SUDS3: variants seen among roughly 807,000 people sequenced by gnomAD.
SUDS3 encodes SIN3A corepressor complex component SDS3.
Under a neutral mutation model 53.5 loss-of-function variants are expected in SUDS3, and 23 were observed. The observed-to-expected ratio is 0.43, with a 90% CI of 0.31 to 0.61. The LOEUF (loss-of-function observed/expected upper bound fraction) is 0.61. SUDS3 is among the 20% of genes least tolerant of loss of function. SUDS3 has a pLI of 0.10. For missense variants in SUDS3, 291 were observed against 405.9 expected (o/e 0.72, Z 2.43); for synonymous variants, 150 against 148.5 (o/e 1.01, Z -0.08).
intron 4 of SUDS3, among the ~76,000 whole-genome samples, chr12:118,389,040 T>G (rs2046140935): frequency 6.6e-6 from 1 of 152,032 alleles, no homozygotes; most frequent in Non-Finnish European, 1.5e-5. Context: ...TCCTAGCTAC[T>G]TGGGAGGCTG....
chr12:118,405,648 C>T (rs1455995927), intron 10 of SUDS3, among the ~76,000 whole-genome samples: 2 of 152,022 alleles, frequency 1.3e-5, no homozygotes, highest in Non-Finnish European at 2.9e-5. Context: ...GTATACTTTT[C>T]ATTTTTGGCC....
At chr12:118,395,181 A>T (rs1318317253) in intron 6 of SUDS3, among the ~76,000 whole-genome samples, 1 of 137,196 alleles carries the variant, frequency 7.3e-6, no homozygotes, top group Non-Finnish European at 1.6e-5. Context: ...TTTCCTCAAG[A>T]TGTTCTTTCC....
chr12:118,381,829 A>G (rs2046065756), intron 2 of SUDS3, among the ~76,000 whole-genome samples: 1 of 152,236 alleles, frequency 6.6e-6, no homozygotes, highest in Non-Finnish European at 1.5e-5. Context: ...ACCCAGATGG[A>G]AAACGGTATA....
chr12:118,390,914 G>C, intron 5 of SUDS3: 1 of 641,386 alleles, frequency 1.6e-6, no homozygotes, highest in Non-Finnish European at 2.9e-6. Flanking sequence ...TATCTGGGTA[G>C]CAAGTGAGGT....
chr12:118,395,110 C>T (rs2046201927), intron 6 of SUDS3, among the ~76,000 whole-genome samples: 1 of 151,916 alleles, frequency 6.6e-6, no homozygotes, highest in Admixed American at 6.6e-5. Flanking sequence ...GAAGAGGCCC[C>T]ACACAAATAT....
intron 4 of SUDS3, among the ~76,000 whole-genome samples, chr12:118,387,400 T>C (rs546360668): frequency 5.8e-4 from 88 of 152,332 alleles, no homozygotes; most frequent in African/African-American, 2.0e-3. Context: ...TTTCTCCATC[T>C]GTAGAGGGGA....
At chr12:118,386,239 G>A (rs1229076309) in intron 4 of SUDS3, 54 bp downstream of exon 4, 16 of 1,405,222 alleles carry the variant, frequency 1.1e-5, no homozygotes, top group Non-Finnish European at 1.6e-5. Context: ...ACCATTTGCC[G>A]ATCGTCGGTG....
intron 6 of SUDS3, 66 bp downstream of exon 6, chr12:118,391,348 G>A (rs1313764568): frequency 1.3e-6 from 2 of 1,519,822 alleles, no homozygotes; most frequent in Admixed American, 2.2e-5. Context: ...GGCTGTTCCA[G>A]TTACTTTTGT....
intron 6 of SUDS3, among the ~76,000 whole-genome samples, chr12:118,396,233 A>G (rs946149115): frequency 6.6e-6 from 1 of 152,176 alleles, no homozygotes; most frequent in Non-Finnish European, 1.5e-5. Context: ...TTCTTTTTAA[A>G]GAAAATTTCC....
chr12:118,402,632 GA>G (rs2046273133), intron 9 of SUDS3: 1 of 45,948 alleles, frequency 2.2e-5, no homozygotes, highest in Non-Finnish European at 5.4e-5. Flanking sequence ...AAGAAAACAA[GA>G]GTCTTCTTTT....
chr12:118,392,901 A>C (rs933609414), intron 6 of SUDS3, among the ~76,000 whole-genome samples: 2 of 152,266 alleles, frequency 1.3e-5, no homozygotes, highest in Non-Finnish European at 2.9e-5. Flanking sequence ...TTACAGCCAG[A>C]ATCTTAACTG....
chr12:118,396,512 C>T (rs183900292), intron 6 of SUDS3, among the ~76,000 whole-genome samples: 1 of 152,344 alleles, frequency 6.6e-6, no homozygotes, highest in Non-Finnish European at 1.5e-5. Flanking sequence ...CCTTGGCCCC[C>T]CCAAAGTGCT....
rs201973126 is a variant in SUDS3, at chr12:118,391,001, T to A, written c.361-125T>A. On this transcript the variant is annotated intron_variant, in intron 5 of 11. Coordinates refer to ENST00000543473, the MANE Select transcript of SUDS3 (RefSeq NM_022491.3). ...GAAAGCTTGTTCTCAGACACACTGT[T>A]ACTGCAAGTGTGTGTGAGGGGGAAA... is the stretch of plus-strand genomic sequence containing the variant. The A allele has an allele frequency of 7.5e-4, 806 of 1,067,744 alleles. 4 individuals are homozygous for A. Among genetic ancestry groups the A allele is most frequent in the Non-Finnish European group, 8.9e-4 (614 of 688,040 alleles). The allele number at this position is 1,067,744 out of a possible 1,614,324, so 66.1% of individuals were successfully genotyped here.
intron 6 of SUDS3, among the ~76,000 whole-genome samples, chr12:118,392,271 G>C (rs1166423371): frequency 6.6e-6 from 1 of 152,162 alleles, no homozygotes; most frequent in Middle Eastern, 3.2e-3. Context: ...GACGTTCTCA[G>C]GGCTGACTTT....
In SUDS3 at chr12:118,413,870, C is replaced by T. The variant is rs142490550; in HGVS notation, c.889-465C>T. 3.6e-3 allele frequency among the ~76,000 whole-genome samples: 554 copies of T among 152,226 alleles called. 5 individuals are homozygous for T. The highest frequency in any genetic ancestry group is 0.013 in the African/African-American group (529 of 41,534). ...TTGATATTTTTTCCCTGTTTTTCTG[C>T]ACAACCATTAGCCTTCATTGCCAGG... On this transcript the variant is annotated intron_variant, in intron 11 of 11. Coordinates refer to ENST00000543473, the MANE Select transcript of SUDS3 (RefSeq NM_022491.3).
At position 118,417,569 on chromosome 12, in the gene SUDS3, A is replaced by G. The variant is rs1185805802; in HGVS notation, c.*3136A>G. 6.6e-6 allele frequency: 1 copy of G among 151,982 alleles called. No individual in the cohort carries two copies. Among genetic ancestry groups the G allele is most frequent in the Non-Finnish European group, 1.5e-5 (1 of 68,010 alleles). The allele number at this position is 151,982 out of a possible 1,614,324, so 9.4% of individuals were successfully genotyped here. ...GTTGAAATCACTTTAATGCCAGAAC[A>G]TGGTAAATTTGCAGCCATTTCAAGC... is the stretch of plus-strand genomic sequence containing the variant. On this transcript the variant is annotated 3_prime_UTR_variant, in exon 12 of 12. Coordinates refer to ENST00000543473, the MANE Select transcript of SUDS3 (RefSeq NM_022491.3).
chr12:118,396,107 G>T (rs2046212982), intron 6 of SUDS3, among the ~76,000 whole-genome samples: 1 of 152,200 alleles, frequency 6.6e-6, no homozygotes, highest in Admixed American at 6.5e-5. Flanking sequence ...TGTCTGCTAG[G>T]ATTGCTCTGG....
rs370235122 is a variant in SUDS3, at chr12:118,382,067, TCTCA to T, written c.212+1840_212+1843del. On this transcript the variant is annotated intron_variant, in intron 2 of 11. Transcript: ENST00000543473. ...TACTTTTTTTTTTTTTGAAACAGAG[TCTCA>T]CTCTGTCACCCAGGCTGGAGTGCAA... is the stretch of plus-strand genomic sequence containing the variant. Among the ~76,000 whole-genome samples, 635 of 151,232 alleles carry T rather than the reference TCTCA, an allele frequency of 4.2e-3. 2 individuals carry two copies. The highest frequency in any genetic ancestry group is 6.5e-3 in the Non-Finnish European group (442 of 67,828).
intron 1 of SUDS3, among the ~76,000 whole-genome samples, chr12:118,377,686 A>G (rs776790871): frequency 6.6e-6 from 1 of 152,116 alleles, no homozygotes; most frequent in Non-Finnish European, 1.5e-5. Context: ...TTTTGGAGGG[A>G]TGGAGGAGGA....
Sources: gnomAD v4.1 joint callset for allele counts (sites outside exome capture counted in the v4.1 genomes callset) on GRCh38, gnomAD v4.1.1 for gene constraint, MANE v1.5 for transcripts, NCBI Gene and HGNC (gene_info 2026-07-23, HGNC 2026-07-21) for gene names.